THRA: variants seen among roughly 807,000 people sequenced by gnomAD.
THRA encodes EAR-7.
In THRA, 13 loss-of-function variants were observed where a neutral mutation model predicts 45.0. The observed-to-expected ratio is 0.29, with a 90% CI of 0.19 to 0.46. The LOEUF (loss-of-function observed/expected upper bound fraction) is 0.46, where lower values mean the gene tolerates loss of function less well. Among genes scored for constraint, THRA ranks in the 20% least tolerant of loss-of-function variants. THRA has a pLI of 1.00. For missense variants in THRA, 278 were observed against 556.1 expected (o/e 0.50, Z 5.03); for synonymous variants, 195 against 214.0 (o/e 0.91, Z 0.78).
chr17:40,087,204 C>G (rs1182679431), intron 7 of THRA, among the ~76,000 whole-genome samples: 1 of 149,782 alleles, frequency 6.7e-6, no homozygotes, highest in Non-Finnish European at 1.5e-5. Context: ...ACCCAGCACA[C>G]AGACACACAC....
downstream of THRA, chr17:40,093,670 G>C (rs1443501478): frequency 1.6e-6 from 1 of 634,302 alleles, no homozygotes; most frequent in Non-Finnish European, 2.7e-6. This position sits in a 1 kb window ranked among gnomAD's most constrained non-coding sequence, Gnocchi z 5.9. Context: ...TCCTTCCCCA[G>C]CTCCCCCAGG....
At chr17:40,080,243 A>T (rs1305766376) in intron 4 of THRA, among the ~76,000 whole-genome samples, 1 of 152,048 alleles carries the variant, frequency 6.6e-6, no homozygotes. Context: ...ATACAAAAAA[A>T]TTTTTAAAGT....
Position 40,089,109 on chromosome 17 carries a change from C to T in THRA, c.983-97C>T. The stretch of plus-strand genomic sequence containing the variant: ...CCCCCAGCCTCTCTGCCTCTATCTC[C>T]CCTCTAGTCCTTTCTTCCCACGTCC... On this transcript the variant is annotated intron_variant, in intron 8 of 8. Transcript: ENST00000450525. The surrounding 1 kb of genome is among the most constrained non-coding windows in gnomAD (Gnocchi z 6.1). 1 of 1,209,808 alleles carries T rather than the reference C, an allele frequency of 8.3e-7. No homozygotes were observed. Among genetic ancestry groups the T allele is most frequent in the Non-Finnish European group, 1.2e-6 (1 of 851,802 alleles). The allele number at this position is 1,209,808 out of a possible 1,614,324, so 74.9% of individuals were successfully genotyped here.
At chr17:40,083,356 TG>T (rs1254845997) in intron 4 of THRA, among the ~76,000 whole-genome samples, 1 of 152,090 alleles carries the variant, frequency 6.6e-6, no homozygotes, top group Non-Finnish European at 1.5e-5. Context: ...CATGAGCCAC[TG>T]CACCCAACCT....
At position 40,063,072 on chromosome 17, in the gene THRA, G is replaced by T. The variant is rs1986415761; in HGVS notation, c.-318G>T. On this transcript the variant is annotated 5_prime_UTR_variant, in exon 1 of 9. Transcript: ENST00000450525. Reference sequence around the variant, plus strand: ...AGACCCCCGCGTCGCTGCCCAGCCCGGTCCGGCGCGCCACGCCGAGGTAAG... The same window carrying T: ...AGACCCCCGCGTCGCTGCCCAGCCCTGTCCGGCGCGCCACGCCGAGGTAAG... 6.6e-6 allele frequency: 1 copy of T among 152,030 alleles called. No individual in the cohort carries two copies. The highest frequency in any genetic ancestry group is 1.5e-5 in the Non-Finnish European group (1 of 68,042). The allele number at this position is 152,030 out of a possible 1,614,324, so 9.4% of individuals were successfully genotyped here.
Position 40,092,775 on chromosome 17 carries a change from C to A in THRA, c.*3319C>A. 2.0e-6 allele frequency: 1 copy of A among 500,692 alleles called. No homozygotes were observed. Among genetic ancestry groups the A allele is most frequent in the Non-Finnish European group, 3.3e-6 (1 of 299,308 alleles). 31.0% of individuals were successfully genotyped at this position (500,692 alleles called of 1,614,324 possible). A position where few individuals can be genotyped will look rare whatever the true frequency, so the allele number is the denominator to read the frequency against. ...TTCCACCCCACCCCCCAAACGAGCACACACCACAGAAGCCAGCTCAGCTGT... is the reference window on the plus strand; with the variant it reads ...TTCCACCCCACCCCCCAAACGAGCAAACACCACAGAAGCCAGCTCAGCTGT... On this transcript the variant is annotated 3_prime_UTR_variant, in exon 9 of 9. Coordinates refer to ENST00000450525, the MANE Select transcript of THRA (RefSeq NM_199334.5).
intron 6 of THRA, 77 bp downstream of exon 6, chr17:40,084,892 T>A: frequency 1.3e-6 from 2 of 1,527,700 alleles, no homozygotes; most frequent in Non-Finnish European, 1.8e-6. Context: ...TCTTGCCTCC[T>A]CCAGGAAGTC....
Position 40,092,782 on chromosome 17 carries a change from C to T in THRA, c.*3326C>T. 1 of 572,810 alleles carries T rather than the reference C, an allele frequency of 1.7e-6. No homozygotes were observed. The highest frequency in any genetic ancestry group is 2.9e-6 in the Non-Finnish European group (1 of 348,218). 35.5% of individuals were successfully genotyped at this position (572,810 alleles called of 1,614,324 possible). On this transcript the variant is annotated 3_prime_UTR_variant, in exon 9 of 9. Coordinates refer to ENST00000450525, the MANE Select transcript of THRA (RefSeq NM_199334.5). ...CCACCCCCCAAACGAGCACACACCA[C>T]AGAAGCCAGCTCAGCTGTGAACTAT...
intron 4 of THRA, among the ~76,000 whole-genome samples, chr17:40,082,657 C>T (rs1218856269): frequency 3.3e-5 from 5 of 151,880 alleles, no homozygotes; most frequent in African/African-American, 9.7e-5. Context: ...CCACCGCGCC[C>T]GGCCAAGGGG....
Position 40,086,847 on chromosome 17 carries a change from C to G in THRA, c.717C>G (p.Phe239Leu). ...VVDFAKKLPM[F>L]SELPCEDQII... ...ACTTTGCCAAAAAACTGCCCATGTT[C>G]TCCGAGGTGAGTGGCAGAAGTGGGG... is the stretch of plus-strand genomic sequence containing the variant. Residue 239 changes from phenylalanine (F) to leucine (L), a missense_variant, in exon 7 of 9, where the codon TTC becomes TTG. This residue lies in a region of THRA where 33 missense variants were observed against 133.2 expected (regional missense o/e 0.25). Transcript: ENST00000450525. The G allele has an allele frequency of 6.2e-7, 1 of 1,614,070 alleles. No homozygotes were observed. Among genetic ancestry groups the G allele is most frequent in the Non-Finnish European group, 8.5e-7 (1 of 1,180,002 alleles).
At chr17:40,088,741 C>T (rs1987422412) in intron 8 of THRA, among the ~76,000 whole-genome samples, 1 of 152,036 alleles carries the variant, frequency 6.6e-6, no homozygotes, top group East Asian at 1.9e-4. Flanking sequence ...CCTTCCTTCT[C>T]GCTGCCCTGT....
chr17:40,089,768 G>A lies in THRA; in HGVS notation c.*312G>A. 1 of 1,215,452 alleles carries A rather than the reference G, an allele frequency of 8.2e-7. No homozygotes were observed. The highest frequency in any genetic ancestry group is 1.9e-5 in the South Asian group (1 of 53,930). The allele number at this position is 1,215,452 out of a possible 1,614,324, so 75.3% of individuals were successfully genotyped here. ...GGGCGGGAGGATTGAGAAGGGACAA[G>A]CCACCTTGACCGTAGGGGAAGGAGG... On this transcript the variant is annotated 3_prime_UTR_variant, in exon 9 of 9. Transcript: ENST00000450525. This position sits in a 1 kb window ranked among gnomAD's most constrained non-coding sequence, Gnocchi z 6.1.
chr17:40,079,431 G>C (rs1480275829), intron 4 of THRA, among the ~76,000 whole-genome samples: 2 of 152,092 alleles, frequency 1.3e-5, no homozygotes, highest in South Asian at 2.1e-4. Context: ...TTTTAGTAGA[G>C]ATAGGGTTTC....
rs1454787430 is a variant in THRA at position 40,085,919 on chromosome 17, GGTGT to G, written c.577-786_577-783del. Among the ~76,000 whole-genome samples the G allele has an allele frequency of 3.9e-5, 6 of 152,208 alleles. No individual in the cohort carries two copies. In the East Asian group the frequency reaches 1.2e-3, roughly 29 times the overall value. Reference sequence around the variant, plus strand: ...GGCCTCCCAAAGTGCTGGGATTACAGGTGTGAGCTACTGCTCCCGGCCTCTCTAC... The same window carrying G: ...GGCCTCCCAAAGTGCTGGGATTACAGGAGCTACTGCTCCCGGCCTCTCTAC... On this transcript the variant is annotated intron_variant, in intron 6 of 8. Transcript: ENST00000450525.
At chr17:40,086,681 C>T in intron 6 of THRA, 26 bp from the exon 7 acceptor site, 1 of 1,607,368 alleles carries the variant, frequency 6.2e-7, no homozygotes, top group East Asian at 2.2e-5. Flanking sequence ...TCTGCGGCCC[C>T]AGCTGACCCC....
intron 4 of THRA, among the ~76,000 whole-genome samples, chr17:40,083,535 T>C (rs1987220822): frequency 6.6e-6 from 1 of 152,240 alleles, no homozygotes; most frequent in Non-Finnish European, 1.5e-5. Context: ...AAAGCTGCTA[T>C]TCCTTAAGGC....
intron 4 of THRA, among the ~76,000 whole-genome samples, chr17:40,080,924 A>G (rs954853543): frequency 2.0e-5 from 3 of 151,860 alleles, no homozygotes; most frequent in African/African-American, 7.3e-5. Context: ...AGGTTTCACG[A>G]TGTTGGCCAC....
At chr17:40,093,071 C>T (rs773327077), downstream of THRA, 12 of 1,613,982 alleles carry the variant, frequency 7.4e-6, no homozygotes, top group South Asian at 4.4e-5. This position sits in a 1 kb window ranked among gnomAD's most constrained non-coding sequence, Gnocchi z 5.9. Context: ...GGCAGAAGGC[C>T]GGCCGGGCGG....
chr17:40,087,388 C>T (rs1176911706), intron 7 of THRA, among the ~76,000 whole-genome samples: 1 of 150,030 alleles, frequency 6.7e-6, no homozygotes, highest in Non-Finnish European at 1.5e-5. Flanking sequence ...CACAGACACA[C>T]ACACACAGAC....
Sources: gnomAD v4.1 joint callset for allele counts (sites outside exome capture counted in the v4.1 genomes callset) on GRCh38, gnomAD v4.1.1 for gene constraint, gnomAD v4.1.1 regional missense constraint, Gnocchi (gnomAD v3.1) non-coding constraint, MANE v1.5 for transcripts, NCBI Gene and HGNC (gene_info 2026-07-23, HGNC 2026-07-21) for gene names.